The following RBFOX1 variants were observed in gnomAD, a reference collection of about 807,000 sequenced individuals.
RBFOX1 encodes RNA binding fox-1 homolog 1, also known as RNA binding protein fox-1 homolog 1.
In RBFOX1, 8 loss-of-function variants were observed where a neutral mutation model predicts 57.7. The observed-to-expected ratio is 0.14, with a 90% CI of 0.08 to 0.25. The LOEUF (loss-of-function observed/expected upper bound fraction) is 0.25. Ranked by LOEUF, RBFOX1 falls within the 10% of genes least tolerant of loss-of-function variation. The pLI is 1.00. For synonymous variants in RBFOX1, 326 were observed against 222.4 expected (o/e 1.47, Z -4.15); for missense variants, 611 against 548.5 (o/e 1.11, Z -1.14).
chr16:7,557,556 G>T (rs2088962440), intron 5 of RBFOX1, among the ~76,000 whole-genome samples: 1 of 128,232 alleles, frequency 7.8e-6, no homozygotes, highest in Non-Finnish European at 1.6e-5. Flanking sequence ...GGAGGCAGAG[G>T]TTTCAGTGAG....
At chr16:5,252,245 G>A (rs1431466571) in intron 1 of RBFOX1, among the ~76,000 whole-genome samples, 1 of 152,218 alleles carries the variant, frequency 6.6e-6, no homozygotes, top group Non-Finnish European at 1.5e-5. Context: ...TTCTCTGTGA[G>A]TTTCAAGCTC....
chr16:5,956,997 T>C (rs2059656818), intron 4 of RBFOX1, among the ~76,000 whole-genome samples: 1 of 152,050 alleles, frequency 6.6e-6, no homozygotes, highest in Non-Finnish European at 1.5e-5. Context: ...GAGTTTTAAG[T>C]AGGCTGAAAC....
At chr16:7,615,219 G>C (rs953030908) in intron 10 of RBFOX1, among the ~76,000 whole-genome samples, 1 of 152,160 alleles carries the variant, frequency 6.6e-6, no homozygotes, top group Admixed American at 6.5e-5. Flanking sequence ...TGTAGTCCCA[G>C]CTACTGGGGA....
At chr16:7,592,906 G>A (rs2094516867) in intron 7 of RBFOX1, among the ~76,000 whole-genome samples, 1 of 151,932 alleles carries the variant, frequency 6.6e-6, no homozygotes, top group African/African-American at 2.4e-5. Context: ...CAACCTCCTG[G>A]GCTCAAGCAA....
intron 4 of RBFOX1, among the ~76,000 whole-genome samples, chr16:5,874,893 C>G (rs932074763): frequency 9.2e-5 from 14 of 152,120 alleles, no homozygotes; most frequent in Non-Finnish European, 1.6e-4. Flanking sequence ...CTGCAGTGAG[C>G]TATGATTGCA....
intron 4 of RBFOX1, among the ~76,000 whole-genome samples, chr16:7,171,081 C>T (rs879373684): frequency 1.3e-5 from 2 of 152,182 alleles, no homozygotes; most frequent in South Asian, 4.1e-4. Context: ...GTTGGAGGTC[C>T]AGCTCCATCC....
intron 3 of RBFOX1, among the ~76,000 whole-genome samples, chr16:5,833,470 G>T (rs1334153610): frequency 2.0e-5 from 3 of 149,480 alleles, no homozygotes; most frequent in Non-Finnish European, 4.4e-5. Context: ...ACTCCAGCCT[G>T]GGCGACAGAG....
intron 4 of RBFOX1, among the ~76,000 whole-genome samples, chr16:7,188,839 G>A (rs1016572166): frequency 2.6e-5 from 4 of 152,154 alleles, no homozygotes; most frequent in Admixed American, 6.5e-5. Context: ...TGTTAAAAAT[G>A]CAAATTTTGG....
chr16:7,046,605 T>C (rs968840298), intron 3 of RBFOX1, among the ~76,000 whole-genome samples: 1 of 7,632 alleles, frequency 1.3e-4, no homozygotes, highest in Non-Finnish European at 2.0e-4. Context: ...TGTTTTATCT[T>C]TTTTTTTTTT....
intron 3 of RBFOX1, among the ~76,000 whole-genome samples, chr16:6,980,041 C>T (rs566287912): frequency 1.4e-5 from 2 of 142,142 alleles, no homozygotes; most frequent in African/African-American, 6.3e-5. Flanking sequence ...AACGGTGGGG[C>T]TACAGAACTG....
At chr16:7,567,191 A>G (rs1198976007) in intron 5 of RBFOX1, among the ~76,000 whole-genome samples, 1 of 100,276 alleles carries the variant, frequency 1.0e-5, no homozygotes, top group Non-Finnish European at 2.2e-5. Flanking sequence ...ATAAATATCC[A>G]TATATATATC....
chr16:6,893,835 C>T (rs1448672804), intron 3 of RBFOX1, among the ~76,000 whole-genome samples: 4 of 152,110 alleles, frequency 2.6e-5, no homozygotes, highest in Non-Finnish European at 4.4e-5. Context: ...ATGCTTAATA[C>T]TTCAGGGCCA....
chr16:7,354,653 G>T (rs775038867), intron 4 of RBFOX1, among the ~76,000 whole-genome samples: 23 of 152,182 alleles, frequency 1.5e-4, no homozygotes, highest in Non-Finnish European at 3.2e-4. Context: ...TATGAGGAAA[G>T]AATTAGGATA....
intron 3 of RBFOX1, among the ~76,000 whole-genome samples, chr16:5,640,201 C>G (rs1435503194): frequency 3.3e-5 from 5 of 152,176 alleles, no homozygotes; most frequent in African/African-American, 1.2e-4. Flanking sequence ...CTCTGGAGGA[C>G]TGCTCATTTC....
At chr16:6,078,111 G>A (rs558341476) in intron 1 of RBFOX1, among the ~76,000 whole-genome samples, 1 of 152,258 alleles carries the variant, frequency 6.6e-6, no homozygotes, top group African/African-American at 2.4e-5. Flanking sequence ...TTTCCGGGGA[G>A]GTTAAGAGTT....
intron 1 of RBFOX1, among the ~76,000 whole-genome samples, chr16:6,076,573 T>C (rs1366056373): frequency 6.6e-6 from 1 of 151,956 alleles, no homozygotes; most frequent in Non-Finnish European, 1.5e-5. Flanking sequence ...CCTCAAGTGA[T>C]CCTCCCACCT....
intron 2 of RBFOX1, among the ~76,000 whole-genome samples, chr16:6,610,005 CACAAAACAAAACAAAACAAA>C (rs71145259): frequency 1.4e-5 from 2 of 145,350 alleles, no homozygotes; most frequent in African/African-American, 2.6e-5. Flanking sequence ...GAGGCTCTGA[CACAAAACAAAACAAAACAAA>C]ACAAAACAAA....
intron 3 of RBFOX1, among the ~76,000 whole-genome samples, chr16:6,902,748 C>T (rs764121298): frequency 2.6e-5 from 4 of 152,146 alleles, no homozygotes; most frequent in East Asian, 1.9e-4. Context: ...GGTTTCCATA[C>T]ACATCAAGTT....
chr16:6,184,233 G>C (rs919075845), intron 1 of RBFOX1, among the ~76,000 whole-genome samples: 1 of 152,190 alleles, frequency 6.6e-6, no homozygotes, highest in Non-Finnish European at 1.5e-5. Context: ...TACAGTTCAA[G>C]ATGAGATTTG....
Sources: gnomAD v4.1 joint callset for allele counts (sites outside exome capture counted in the v4.1 genomes callset) on GRCh38, gnomAD v4.1.1 for gene constraint, MANE v1.5 for transcripts, NCBI Gene and HGNC (gene_info 2026-07-23, HGNC 2026-07-21) for gene names.